The following DPP10 variants were observed in gnomAD, a reference collection of about 807,000 sequenced individuals.
DPP10 encodes the protein dipeptidyl peptidase like 10, also known as inactive dipeptidyl peptidase 10.
DPP10 carries 33 observed loss-of-function variants against 120.9 expected under a neutral mutation model. The observed-to-expected ratio is 0.27, with a 90% CI of 0.21 to 0.37. The LOEUF is 0.37. Ranked by LOEUF, DPP10 falls within the 10% of genes least tolerant of loss-of-function variation. The pLI is 1.00. For missense variants in DPP10, 816 were observed against 942.8 expected (o/e 0.87, Z 1.76); for synonymous variants, 337 against 326.1 (o/e 1.03, Z -0.36).
intron 5 of DPP10, among the ~76,000 whole-genome samples, chr2:115,659,246 T>G (rs987247040): frequency 6.6e-6 from 1 of 152,124 alleles, no homozygotes; most frequent in African/African-American, 2.4e-5. Context: ...GTCAATACAT[T>G]TCTGTTCTTT....
At chr2:114,864,526 A>T (rs1690069500) in intron 1 of DPP10, among the ~76,000 whole-genome samples, 1 of 152,210 alleles carries the variant, frequency 6.6e-6, no homozygotes, top group Non-Finnish European at 1.5e-5. Flanking sequence ...ATCACCATGA[A>T]ACATTCCATG....
chr2:114,975,427 C>T (rs1477748101), intron 1 of DPP10, among the ~76,000 whole-genome samples: 1 of 151,978 alleles, frequency 6.6e-6, no homozygotes, highest in Non-Finnish European at 1.5e-5. Flanking sequence ...AAATTAGAGA[C>T]CATAGAAAAT....
chr2:115,137,834 A>G (rs1003531522), intron 1 of DPP10, among the ~76,000 whole-genome samples: 1 of 152,178 alleles, frequency 6.6e-6, no homozygotes, highest in Admixed American at 6.5e-5. Context: ...CTGTCAGACT[A>G]TTAGAACAAG....
At chr2:115,007,778 C>A (rs1701964391) in intron 1 of DPP10, among the ~76,000 whole-genome samples, 1 of 148,712 alleles carries the variant, frequency 6.7e-6, no homozygotes, top group African/African-American at 2.5e-5. Flanking sequence ...TCCTATACAC[C>A]AACAACAGAC....
At chr2:114,608,327 C>T (rs1692992398) in intron 1 of DPP10, among the ~76,000 whole-genome samples, 3 of 152,108 alleles carry the variant, frequency 2.0e-5, no homozygotes, top group Admixed American at 2.0e-4. Flanking sequence ...ATTTGTTCTC[C>T]AAATTCAGAA....
At chr2:114,540,525 C>T (rs187001735) in intron 1 of DPP10, among the ~76,000 whole-genome samples, 15 of 152,274 alleles carry the variant, frequency 9.9e-5, no homozygotes, top group Admixed American at 9.8e-4. Context: ...TAGTGAAAGT[C>T]ATTATATTGA....
chr2:114,628,134 TAA>T (rs1364242039), intron 1 of DPP10, among the ~76,000 whole-genome samples: 6 of 152,270 alleles, frequency 3.9e-5, no homozygotes, highest in African/African-American at 1.4e-4. Context: ...ATTTATAATA[TAA>T]GTTTGTGACA....
At chr2:114,885,978 C>T (rs1692034844) in intron 1 of DPP10, among the ~76,000 whole-genome samples, 1 of 152,148 alleles carries the variant, frequency 6.6e-6, no homozygotes, top group Non-Finnish European at 1.5e-5. Context: ...GAGTTCTTAA[C>T]ATAAACTCAC....
intron 1 of DPP10, among the ~76,000 whole-genome samples, chr2:114,859,212 A>G (rs1689614863): frequency 6.6e-6 from 1 of 151,844 alleles, no homozygotes; most frequent in Non-Finnish European, 1.5e-5. Context: ...AAAAAACCCC[A>G]CAGAATTAGC....
At chr2:115,101,150 G>A (rs548033516) in intron 1 of DPP10, among the ~76,000 whole-genome samples, 10 of 152,134 alleles carry the variant, frequency 6.6e-5, no homozygotes, top group Non-Finnish European at 1.2e-4. Context: ...GGATGACATG[G>A]AGTCTGGGCT....
chr2:115,743,820 T>G (rs1677603527), intron 9 of DPP10, among the ~76,000 whole-genome samples: 1 of 150,580 alleles, frequency 6.6e-6, no homozygotes, highest in Non-Finnish European at 1.5e-5. Flanking sequence ...AATAACAGAC[T>G]GAACATTTGG....
At chr2:114,980,634 GAA>G (rs145634895) in intron 1 of DPP10, among the ~76,000 whole-genome samples, 148 of 122,768 alleles carry the variant, frequency 1.2e-3, no homozygotes, top group Non-Finnish European at 1.7e-3. Flanking sequence ...AGAATCTACT[GAA>G]AAAAAAAAAA....
Position 114,659,051 on chromosome 2 carries a change from T to C in DPP10, c.60+216213T>C, listed in dbSNP as rs138976720. Among the ~76,000 whole-genome samples the C allele has an allele frequency of 5.9e-5, 9 of 152,294 alleles. No homozygotes were observed. The East Asian group carries it at 1.7e-3, about 29-fold the overall frequency. ...ACACACTCTCTCTTCTCTCTCACGC[T>C]TCTGCTGCCATGTAAGACATGCCTT... On this transcript the variant is annotated intron_variant, in intron 1 of 25. Coordinates refer to ENST00000410059, the MANE Select transcript of DPP10 (RefSeq NM_020868.6).
At chr2:115,028,625 T>C (rs1703633557) in intron 1 of DPP10, among the ~76,000 whole-genome samples, 1 of 152,020 alleles carries the variant, frequency 6.6e-6, no homozygotes, top group South Asian at 2.1e-4. Flanking sequence ...ATTTGTTGAC[T>C]TTTTTGTCCA....
intron 1 of DPP10, among the ~76,000 whole-genome samples, chr2:114,567,107 G>C (rs1408591039): frequency 6.6e-6 from 1 of 152,130 alleles, no homozygotes; most frequent in Non-Finnish European, 1.5e-5. Context: ...CCAGACAGTA[G>C]GTGTTAACGG....
At chr2:114,600,629 C>T (rs1013990014) in intron 1 of DPP10, among the ~76,000 whole-genome samples, 22 of 151,852 alleles carry the variant, frequency 1.4e-4, no homozygotes, top group Admixed American at 6.6e-5. Context: ...CTTGACACAG[C>T]TACAAGCAAT....
chr2:114,916,045 G>A (rs138900770), intron 1 of DPP10, among the ~76,000 whole-genome samples: 5 of 151,914 alleles, frequency 3.3e-5, no homozygotes, highest in African/African-American at 1.2e-4. Flanking sequence ...AAAAAAAGTT[G>A]ATGTTGTGAA....
chr2:114,755,950 T>C (rs1439298857), intron 1 of DPP10, among the ~76,000 whole-genome samples: 1 of 92,556 alleles, frequency 1.1e-5, no homozygotes, highest in Non-Finnish European at 2.3e-5. Flanking sequence ...TAGGAAGAAA[T>C]TAAAAAAAAA....
In DPP10 at chr2:115,727,898, A is replaced by T. The variant is rs2092804530; in HGVS notation, c.659A>T (p.Glu220Val). 2 of 1,608,918 alleles carry T rather than the reference A, an allele frequency of 1.2e-6. No homozygotes were observed. The highest frequency in any genetic ancestry group is 1.7e-6 in the Non-Finnish European group (2 of 1,177,792). Residue 220 changes from glutamate (E) to valine (V), a missense_variant, in exon 8 of 26, where the codon GAA becomes GTA. Glu to Val is a moderately radical substitution (Grantham distance 121). Transcript: ENST00000410059. ...SLRLTSSGKEEIIFNGIADWL... is the reference protein window; with the variant it reads ...SLRLTSSGKEVIIFNGIADWL... ...CGACTGACATCTTCTGGAAAAGAAG[A>T]AATAATTTTTAATGGGATTGCTGAC...
Sources: gnomAD v4.1 joint callset for allele counts (sites outside exome capture counted in the v4.1 genomes callset) on GRCh38, gnomAD v4.1.1 for gene constraint, MANE v1.5 for transcripts, NCBI Gene and HGNC (gene_info 2026-07-23, HGNC 2026-07-21) for gene names.